Variants in CCDC43 observed in about 807,000 individuals in gnomAD.
The protein encoded by CCDC43 is coiled-coil domain containing 43.
A neutral mutation model predicts 33.3 loss-of-function variants in CCDC43; 20 were observed. The ratio of observed to expected loss-of-function variants is 0.60; its 90% confidence interval spans 0.42 to 0.87. CCDC43 has a LOEUF of 0.87. CCDC43 is among the 40% of genes least tolerant of loss of function. The pLI, the probability that CCDC43 is intolerant of heterozygous loss-of-function variation, is 0.00. For missense variants in CCDC43, 248 were observed against 269.9 expected (o/e 0.92, Z 0.57); for synonymous variants, 104 against 106.5 (o/e 0.98, Z 0.14).
At chr17:44,684,560 T>C (rs1972208250) in intron 1 of CCDC43, among the ~76,000 whole-genome samples, 1 of 151,726 alleles carries the variant, frequency 6.6e-6, no homozygotes, top group Non-Finnish European at 1.5e-5. Flanking sequence ...TAGCCGGGTG[T>C]GGTGGCACAT....
Position 44,679,058 on chromosome 17 carries a change from A to G in CCDC43, c.488-15T>C. 1 of 1,608,860 alleles carries G rather than the reference A, an allele frequency of 6.2e-7. No individual in the cohort carries two copies. Among genetic ancestry groups the G allele is most frequent in the Non-Finnish European group, 8.5e-7 (1 of 1,176,898 alleles). Reference sequence around the variant, plus strand: ...TCGGAACAGAACTACAGGTGAGTTAAGGGATTAGGGTACAGGTCACACAGA... The same window carrying G: ...TCGGAACAGAACTACAGGTGAGTTAGGGGATTAGGGTACAGGTCACACAGA... On this transcript the variant is annotated splice_polypyrimidine_tract_variant and intron_variant, in intron 4 of 4. Transcript: ENST00000315286.
rs1381741497 is a variant in CCDC43, at chr17:44,682,122, A to G, written c.309T>C (p.Ile103=). ...GTGCCTGCTTCTCAATTAGGGTGGC[A>G]ATGGCCTGTACTTCATCTGGGAGGT... ...KVKKEDEVQA[I]ATLIEKQAQI... is the part of the protein sequence containing the mutation. The change falls in exon 3 of 5, where the codon ATT becomes ATC. Residue 103 remains isoleucine, a synonymous_variant. Coordinates refer to ENST00000315286, the MANE Select transcript of CCDC43 (RefSeq NM_144609.3). The G allele has an allele frequency of 3.7e-6, 6 of 1,613,878 alleles. No individual in the cohort carries two copies. The East Asian group carries it at 1.3e-4, about 36-fold the overall frequency.
At position 44,678,758 on chromosome 17, in the gene CCDC43, T is replaced by G. The variant is rs559651205; in HGVS notation, c.*98A>C. 1 of 1,233,874 alleles carries G rather than the reference T, an allele frequency of 8.1e-7. No individual in the cohort carries two copies. Among genetic ancestry groups the G allele is most frequent in the South Asian group, 1.6e-5 (1 of 60,802 alleles). The allele number at this position is 1,233,874 out of a possible 1,614,324, so 76.4% of individuals were successfully genotyped here. A position where few individuals can be genotyped will look rare whatever the true frequency, so the allele number is the denominator to read the frequency against. On this transcript the variant is annotated 3_prime_UTR_variant, in exon 5 of 5. Coordinates refer to ENST00000315286, the MANE Select transcript of CCDC43 (RefSeq NM_144609.3). ...CATGTAAACAATAGGGGAAATGCCTTGGGAAACTACTTTGCAATGCACTCT... is the reference window on the plus strand; with the variant it reads ...CATGTAAACAATAGGGGAAATGCCTGGGGAAACTACTTTGCAATGCACTCT...
intron 3 of CCDC43, 78 bp downstream of exon 3, chr17:44,681,925 T>G (rs892317195): frequency 2.2e-5 from 34 of 1,576,012 alleles, no homozygotes; most frequent in Non-Finnish European, 2.9e-5. Flanking sequence ...ATTAGCAACT[T>G]GCCAAAGGTC....
intron 4 of CCDC43, among the ~76,000 whole-genome samples, chr17:44,679,801 G>A (rs1972129178): frequency 1.3e-5 from 2 of 151,962 alleles, no homozygotes; most frequent in African/African-American, 2.4e-5. Flanking sequence ...GGCTAAGGCA[G>A]GAGAATCACT....
intron 1 of CCDC43, chr17:44,688,279 T>G (rs1972270776): frequency 6.6e-6 from 1 of 152,118 alleles, no homozygotes; most frequent in Admixed American, 6.6e-5. Context: ...GACTTCTGAG[T>G]AGCTGGGACT....
chr17:44,677,472 G>A lies in CCDC43; in HGVS notation c.*1384C>T, dbSNP rs1972093390. On this transcript the variant is annotated 3_prime_UTR_variant, in exon 5 of 5. Transcript: ENST00000315286. Reference sequence around the variant, plus strand: ...AAATAAGATTTATTTTTTTAAAGGTGGTTATTTTTATTTTTTGCAATGCCA... The same window carrying A: ...AAATAAGATTTATTTTTTTAAAGGTAGTTATTTTTATTTTTTGCAATGCCA... 5.3e-5 allele frequency: 8 copies of A among 151,344 alleles called. No individual in the cohort carries two copies. The South Asian group carries it at 1.7e-3, about 32-fold the overall frequency. The allele number at this position is 151,344 out of a possible 1,614,324, so 9.4% of individuals were successfully genotyped here. A position where few individuals can be genotyped will look rare whatever the true frequency, so the allele number is the denominator to read the frequency against.
intron 4 of CCDC43, 74 bp downstream of exon 4, chr17:44,680,511 A>G: frequency 9.2e-7 from 1 of 1,086,074 alleles, no homozygotes; most frequent in African/African-American, 1.5e-5. Context: ...AGCCGCCAGC[A>G]ATGACAGCAA....
chr17:44,681,346 G>A (rs1972158710), intron 3 of CCDC43, among the ~76,000 whole-genome samples: 1 of 152,174 alleles, frequency 6.6e-6, no homozygotes, highest in Non-Finnish European at 1.5e-5. Context: ...GCTGAGGCAG[G>A]AGAATGGCTT....
At chr17:44,679,588 C>T (rs189259639) in intron 4 of CCDC43, among the ~76,000 whole-genome samples, 90 of 152,284 alleles carry the variant, frequency 5.9e-4, no homozygotes, top group African/African-American at 2.0e-3. Context: ...CACACTGAAT[C>T]TATAAGAGAT....
chr17:44,679,849 G>A (rs984073611), intron 4 of CCDC43, among the ~76,000 whole-genome samples: 6 of 151,358 alleles, frequency 4.0e-5, no homozygotes, highest in Non-Finnish European at 7.4e-5. Context: ...AGCCGAGATC[G>A]CACCACTGCA....
chr17:44,678,174 G>C lies in CCDC43; in HGVS notation c.*682C>G, dbSNP rs1334025738. The C allele has an allele frequency of 6.6e-6, 1 of 151,992 alleles. No individual in the cohort carries two copies. The highest frequency in any genetic ancestry group is 1.5e-5 in the Non-Finnish European group (1 of 68,004). 9.4% of individuals were successfully genotyped at this position (151,992 alleles called of 1,614,324 possible). A position where few individuals can be genotyped will look rare whatever the true frequency, so the allele number is the denominator to read the frequency against. On this transcript the variant is annotated 3_prime_UTR_variant, in exon 5 of 5. Coordinates refer to ENST00000315286, the MANE Select transcript of CCDC43 (RefSeq NM_144609.3). ...AAGAGGATACATGATTATACAAAATGAATCTAGCCAACAATGATATCCTTG... is the reference window on the plus strand; with the variant it reads ...AAGAGGATACATGATTATACAAAATCAATCTAGCCAACAATGATATCCTTG...
intron 1 of CCDC43, among the ~76,000 whole-genome samples, chr17:44,685,842 T>C (rs1367445323): frequency 6.6e-6 from 1 of 152,220 alleles, no homozygotes; most frequent in African/African-American, 2.4e-5. Flanking sequence ...CAGAGGTTAA[T>C]TACTTTGCCC....
At chr17:44,688,042 G>A (rs1380497943) in intron 1 of CCDC43, 1 of 152,094 alleles carries the variant, frequency 6.6e-6, no homozygotes, top group African/African-American at 2.4e-5. Context: ...TTTTTTCCTA[G>A]CACTTGTTTC....
intron 1 of CCDC43, chr17:44,689,170 G>A: frequency 4.2e-6 from 1 of 238,352 alleles, no homozygotes; most frequent in Non-Finnish European, 8.3e-6. Context: ...GACCTCCCAA[G>A]AGCATTTTAA....
chr17:44,689,329 C>G (rs1218494057), intron 1 of CCDC43: 1 of 608,740 alleles, frequency 1.6e-6, no homozygotes, highest in African/African-American at 1.9e-5. Context: ...CCCAAGAATA[C>G]GAGAAAGCCC....
chr17:44,689,451 T>G (rs900803905), intron 1 of CCDC43, 99 bp downstream of exon 1: 29 of 1,525,438 alleles, frequency 1.9e-5, no homozygotes, highest in Non-Finnish European at 2.5e-5. Context: ...GTGAGACCAC[T>G]GAGCCTCTGG....
rs746474294 is a variant in CCDC43, at chr17:44,679,052, G to A, written c.488-9C>T. ...GGTGTTTCGGAACAGAACTACAGGTGAGTTAAGGGATTAGGGTACAGGTCA... is the reference window on the plus strand; with the variant it reads ...GGTGTTTCGGAACAGAACTACAGGTAAGTTAAGGGATTAGGGTACAGGTCA... On this transcript the variant is annotated splice_polypyrimidine_tract_variant and intron_variant, in intron 4 of 4. Transcript: ENST00000315286. 7 of 1,610,676 alleles carry A rather than the reference G, an allele frequency of 4.3e-6. No homozygotes were observed. In the African/African-American group the frequency reaches 6.7e-5, roughly 15 times the overall value.
At position 44,678,940 on chromosome 17, in the gene CCDC43, C is replaced by T; in HGVS notation, c.591G>A (p.Leu197=). The stretch of plus-strand genomic sequence containing the variant: ...TGGCTAGTTTGTCTCTCTCCCTCTG[C>T]AGCTTGTCCTGTTCCTTCTTCCTTT... ...ESQRKKEQDK[L]QRERDKLAKQ... Residue 197 remains leucine, a synonymous_variant, in exon 5 of 5, where the codon CTG becomes CTA. Transcript: ENST00000315286. 1 of 1,613,830 alleles carries T rather than the reference C, an allele frequency of 6.2e-7. No individual in the cohort carries two copies. Among genetic ancestry groups the T allele is most frequent in the Non-Finnish European group, 8.5e-7 (1 of 1,179,870 alleles).
Sources: allele counts gnomAD v4.1 joint callset (sites outside exome capture counted in the v4.1 genomes callset), GRCh38; gene constraint gnomAD v4.1.1; transcripts MANE v1.5; gene names NCBI Gene and HGNC (gene_info 2026-07-23, HGNC 2026-07-21).